PFDN1: variants seen among roughly 807,000 people sequenced by gnomAD.
The protein encoded by PFDN1 is prefoldin 1.
In PFDN1, 6 loss-of-function variants were observed where a neutral mutation model predicts 17.3. That is an observed-to-expected ratio of 0.35 (90% CI 0.19 to 0.69). PFDN1 has a LOEUF of 0.69. PFDN1 is among the 30% of genes least tolerant of loss of function. The pLI is 0.65. For synonymous variants in PFDN1, 58 were observed against 50.1 expected (o/e 1.16, Z -0.67); for missense variants, 113 against 146.2 (o/e 0.77, Z 1.17).
At chr5:140,259,750 G>C (rs1019490429) in intron 3 of PFDN1, among the ~76,000 whole-genome samples, 3 of 152,184 alleles carry the variant, frequency 2.0e-5, no homozygotes, top group Admixed American at 2.0e-4. Flanking sequence ...CGCAACTGTG[G>C]GGTAAGATTA....
intron 3 of PFDN1, chr5:140,262,415 T>C (rs924516367): frequency 2.4e-6 from 1 of 416,838 alleles, no homozygotes; most frequent in Non-Finnish European, 5.0e-6. Flanking sequence ...TCTGGCTCCA[T>C]GAAGAACACG....
chr5:140,273,668 T>G (rs2089277776), intron 3 of PFDN1, among the ~76,000 whole-genome samples: 1 of 152,188 alleles, frequency 6.6e-6, no homozygotes, highest in Non-Finnish European at 1.5e-5. Flanking sequence ...GTTTTTTTTT[T>G]TTACATATGA....
intron 2 of PFDN1, among the ~76,000 whole-genome samples, chr5:140,284,865 T>C (rs1765461064): frequency 6.6e-6 from 1 of 152,242 alleles, no homozygotes. Context: ...GCTATTTCAC[T>C]TCCTCATTTA....
chr5:140,262,592 AT>A (rs1208180040), intron 3 of PFDN1: 2 of 455,248 alleles, frequency 4.4e-6, no homozygotes, highest in East Asian at 1.4e-4. Flanking sequence ...TGTGCTTCAT[AT>A]GGAATGAAAA....
chr5:140,287,443 C>T (rs568331613), intron 2 of PFDN1, among the ~76,000 whole-genome samples: 24 of 152,276 alleles, frequency 1.6e-4, no homozygotes, highest in African/African-American at 5.5e-4. Context: ...GGCCTAGAAA[C>T]GGTAACACCT....
intron 3 of PFDN1, among the ~76,000 whole-genome samples, chr5:140,275,583 C>A (rs1333142324): frequency 6.6e-6 from 1 of 151,850 alleles, no homozygotes; most frequent in Non-Finnish European, 1.5e-5. Context: ...GACAAAGCTA[C>A]AAAAAGCTAA....
chr5:140,271,129 G>C (rs1381094279), intron 3 of PFDN1, among the ~76,000 whole-genome samples: 2 of 152,070 alleles, frequency 1.3e-5, no homozygotes, highest in African/African-American at 4.8e-5. Context: ...CATATATGGT[G>C]GGCTTTTTCA....
chr5:140,276,014 A>AC (rs1561506547), intron 3 of PFDN1, among the ~76,000 whole-genome samples: 5 of 144,940 alleles, frequency 3.4e-5, no homozygotes, highest in African/African-American at 1.3e-4. Flanking sequence ...CAGAAGAGAA[A>AC]TTGATGATGA....
chr5:140,269,059 C>CTGGA (rs1385075824), intron 3 of PFDN1, among the ~76,000 whole-genome samples: 1 of 152,138 alleles, frequency 6.6e-6, no homozygotes, highest in Non-Finnish European at 1.5e-5. Flanking sequence ...GTCACCCAGG[C>CTGGA]TGGAGTACAG....
At chr5:140,253,894 A>G (rs546489515) in intron 3 of PFDN1, among the ~76,000 whole-genome samples, 27 of 152,326 alleles carry the variant, frequency 1.8e-4, no homozygotes, top group African/African-American at 6.0e-4. Context: ...GCATATTCTT[A>G]TGCCTCGACC....
At chr5:140,255,268 T>C (rs1448079527) in intron 3 of PFDN1, among the ~76,000 whole-genome samples, 1 of 152,206 alleles carries the variant, frequency 6.6e-6, no homozygotes, top group Non-Finnish European at 1.5e-5. Context: ...CTTCTTTCTC[T>C]ACTGTTAAAA....
chr5:140,251,498 G>A (rs868438026), intron 3 of PFDN1, among the ~76,000 whole-genome samples: 4 of 152,126 alleles, frequency 2.6e-5, no homozygotes, highest in African/African-American at 7.2e-5. Flanking sequence ...TGCTCTATCC[G>A]ATGTCAGCCT....
intron 3 of PFDN1, among the ~76,000 whole-genome samples, chr5:140,258,899 A>G (rs1765024937): frequency 6.6e-6 from 1 of 152,208 alleles, no homozygotes; most frequent in East Asian, 1.9e-4. Context: ...CTAGAGATAT[A>G]ATTTTGCATA....
At chr5:140,256,812 C>CTCT (rs1764994223) in intron 3 of PFDN1, among the ~76,000 whole-genome samples, 1 of 152,090 alleles carries the variant, frequency 6.6e-6, no homozygotes, top group Non-Finnish European at 1.5e-5. Flanking sequence ...CCAAACTCTA[C>CTCT]TCTTCTTTCT....
chr5:140,299,274 C>A (rs1405489962), intron 2 of PFDN1, among the ~76,000 whole-genome samples: 1 of 152,028 alleles, frequency 6.6e-6, no homozygotes, highest in Non-Finnish European at 1.5e-5. Context: ...ACTTAAGTAC[C>A]TAATCATAGA....
chr5:140,256,134 C>G (rs575953601), intron 3 of PFDN1, among the ~76,000 whole-genome samples: 1 of 152,308 alleles, frequency 6.6e-6, no homozygotes, highest in South Asian at 2.1e-4. Context: ...CTGACTACCC[C>G]TCCTCTGCTC....
At chr5:140,292,795 G>T (rs904271423) in intron 2 of PFDN1, 1 of 152,062 alleles carries the variant, frequency 6.6e-6, no homozygotes, top group Admixed American at 6.6e-5. Context: ...TATTTCATCA[G>T]AGTAAAGTAT....
chr5:140,289,958 GCTTC>G (rs1305474851), intron 2 of PFDN1, among the ~76,000 whole-genome samples: 1 of 152,134 alleles, frequency 6.6e-6, no homozygotes, highest in Admixed American at 6.5e-5. Context: ...CTCCTGAATA[GCTTC>G]CTGCCTGCCT....
In PFDN1 at chr5:140,266,274, C is replaced by A. The variant is rs553790461; in HGVS notation, c.285+15175G>T. Among the ~76,000 whole-genome samples, 17 of 152,332 alleles carry A rather than the reference C, an allele frequency of 1.1e-4. No individual in the cohort carries two copies. The South Asian group carries it at 3.3e-3, about 30-fold the overall frequency. ...TCCAGAGTCTGATCACCTCCACTGT[C>A]ACCATCCTGGTCCAACCTACCATCA... is the stretch of plus-strand genomic sequence containing the variant. On this transcript the variant is annotated intron_variant, in intron 3 of 3. Transcript: ENST00000261813.
Sources: allele counts gnomAD v4.1 joint callset (sites outside exome capture counted in the v4.1 genomes callset), GRCh38; gene constraint gnomAD v4.1.1; transcripts MANE v1.5; gene names NCBI Gene and HGNC (gene_info 2026-07-23, HGNC 2026-07-21).